Variants in PRH1 observed in about 807,000 individuals in gnomAD.
PRH1 encodes the protein salivary acidic proline-rich phosphoprotein 1/2.
PRH1 carries 7 observed loss-of-function variants against 7.9 expected under a neutral mutation model. The observed-to-expected ratio is 0.89, with a 90% confidence interval of 0.50 to 1.67. The LOEUF is 1.67. Among genes scored for constraint, PRH1 ranks in the 40% most tolerant of loss-of-function variants. The pLI is 0.00. For missense variants in PRH1, 109 were observed against 223.6 expected, an observed-to-expected ratio of 0.49 and a Z score of 3.27; for synonymous variants, 45 against 80.8, an observed-to-expected ratio of 0.56 and a Z score of 2.38.
chr12:11,154,307 G>A (rs759499742), intron 1 of PRH1, among the ~76,000 whole-genome samples: 2 of 152,144 alleles, frequency 1.3e-5, no homozygotes, highest in African/African-American at 2.4e-5. Flanking sequence ...TCTGCTCTGA[G>A]GGTTCATTGA....
intron 1 of PRH1, among the ~76,000 whole-genome samples, chr12:10,999,848 C>T (rs1940498411): frequency 6.6e-6 from 1 of 152,034 alleles, no homozygotes; most frequent in South Asian, 2.1e-4. Context: ...TGGCTTCTTG[C>T]ACTAGATATC....
At chr12:10,973,506 C>T in intron 2 of PRH1, 1 of 528,066 alleles carries the variant, frequency 1.9e-6, no homozygotes, top group Non-Finnish European at 3.4e-6. Context: ...AAAACGCACA[C>T]AATAACAATA....
At chr12:11,097,768 A>T (rs1945105929) in intron 1 of PRH1, among the ~76,000 whole-genome samples, 1 of 113,802 alleles carries the variant, frequency 8.8e-6, no homozygotes, top group African/African-American at 2.9e-5. Context: ...TGGCAGGTGA[A>T]AGGGAGAATG....
intron 1 of PRH1, among the ~76,000 whole-genome samples, chr12:11,075,196 T>TACAC (rs1944242909): frequency 9.0e-6 from 1 of 111,288 alleles, no homozygotes. Context: ...GAAAGGATAC[T>TACAC]AAAATATATA....
Position 11,149,729 on chromosome 12 carries a change from T to C in PRH1, n.39+21693A>G, listed in dbSNP as rs1431725238. On this transcript the variant is annotated intron_variant and non_coding_transcript_variant, in intron 1 of 1. Coordinates refer to the PRH1 transcript ENST00000541175. The stretch of plus-strand genomic sequence containing the variant: ...ACCATAAAAACCCTAGAAGAAAACC[T>C]AGGCATTACCATTCAGGACATAGGC... Among the ~76,000 whole-genome samples, 581 of 139,234 alleles carry C rather than the reference T, an allele frequency of 4.2e-3. 5 individuals carry two copies. Among genetic ancestry groups the C allele is most frequent in the African/African-American group, 0.015 (563 of 38,404 alleles). The allele number at this position is 139,234 out of a possible 152,430, so 91.3% of individuals were successfully genotyped here. A position where few individuals can be genotyped will look rare whatever the true frequency, so the allele number is the denominator to read the frequency against.
chr12:11,063,670 A>G (rs1262330682), intron 1 of PRH1, among the ~76,000 whole-genome samples: 1 of 152,144 alleles, frequency 6.6e-6, no homozygotes, highest in South Asian at 2.1e-4. Flanking sequence ...TGTGGGAAAT[A>G]TGTACAACCT....
intron 2 of PRH1, among the ~76,000 whole-genome samples, chr12:10,914,690 T>G (rs894894440): frequency 6.6e-6 from 1 of 152,190 alleles, no homozygotes; most frequent in Non-Finnish European, 1.5e-5. Context: ...AGTGACTTCA[T>G]TTTGATTCTG....
At chr12:10,886,757 G>A (rs1240413958), upstream of PRH1, among the ~76,000 whole-genome samples, 1 of 152,196 alleles carries the variant, frequency 6.6e-6, no homozygotes, top group East Asian at 1.9e-4. Context: ...GTCACTGACA[G>A]GTGTTTACCT....
chr12:10,965,569 A>T (rs1233543596), intron 2 of PRH1, among the ~76,000 whole-genome samples: 1 of 152,242 alleles, frequency 6.6e-6, no homozygotes, highest in African/African-American at 2.4e-5. Context: ...TCTAATTTTC[A>T]AACAGCTCAA....
intron 1 of PRH1, among the ~76,000 whole-genome samples, chr12:11,091,115 C>CACACACACATATATATATATAT (rs751016037): frequency 6.8e-4 from 17 of 25,124 alleles, no homozygotes; most frequent in Non-Finnish European, 1.0e-3. Flanking sequence ...CACACACACA[C>CACACACACATATATATATATAT]ATATATATAT....
chr12:11,050,587 T>C (rs751739512), upstream of PRH1, among the ~76,000 whole-genome samples: 1 of 152,238 alleles, frequency 6.6e-6, no homozygotes. Context: ...GTGCCCAACA[T>C]AGGCCTTTGG....
chr12:10,904,308 T>C (rs1319180059), intron 2 of PRH1, among the ~76,000 whole-genome samples: 2 of 151,952 alleles, frequency 1.3e-5, no homozygotes, highest in African/African-American at 4.8e-5. Context: ...CAAAACAGCA[T>C]GGTAATATTA....
chr12:11,039,384 T>C (rs1942602503), intron 1 of PRH1, among the ~76,000 whole-genome samples: 1 of 152,248 alleles, frequency 6.6e-6, no homozygotes, highest in Non-Finnish European at 1.5e-5. Flanking sequence ...AATATGATAA[T>C]TTCCAAAACA....
At chr12:10,986,943 GT>G in intron 1 of PRH1, 1 of 981,234 alleles carries the variant, frequency 1.0e-6, no homozygotes, top group Non-Finnish European at 1.4e-6. Flanking sequence ...TAAATTTTAT[GT>G]GCATCTGATT....
intron 1 of PRH1, among the ~76,000 whole-genome samples, chr12:11,114,429 C>T (rs1390406130): frequency 6.6e-6 from 1 of 152,192 alleles, no homozygotes; most frequent in Non-Finnish European, 1.5e-5. Context: ...ACCACATTAT[C>T]ACTCATAATT....
rs1445577533 is a variant in PRH1, at chr12:11,082,102, G to C, written n.124-34914C>G. Among the ~76,000 whole-genome samples, 10 of 114,792 alleles carry C rather than the reference G, an allele frequency of 8.7e-5. 1 individual carries two copies. Among genetic ancestry groups the C allele is most frequent in the Admixed American group, 1.8e-4 (2 of 11,408 alleles). The allele number at this position is 114,792 out of a possible 152,430, so 75.3% of individuals were successfully genotyped here. On this transcript the variant is annotated intron_variant and non_coding_transcript_variant, in intron 1 of 4. Transcript: ENST00000541977. ...AACTTTCCTACAATGATATCTCTTA[G>C]AAATTATGCAGACATTAACCAAATT...
intron 1 of PRH1, among the ~76,000 whole-genome samples, chr12:11,007,614 A>C: frequency 6.6e-6 from 1 of 152,072 alleles, no homozygotes; most frequent in East Asian, 1.9e-4. Context: ...CAGGGTGACT[A>C]CCTTGACCTT....
intron 1 of PRH1, among the ~76,000 whole-genome samples, chr12:11,169,570 A>C (rs150748475): frequency 2.6e-5 from 4 of 152,218 alleles, no homozygotes; most frequent in African/African-American, 9.6e-5. Flanking sequence ...GTGGCACAAA[A>C]GAGGAATAGA....
chr12:11,022,180 A>G lies in PRH1; in HGVS notation c.-126+24840T>C, dbSNP rs766986683. ...AAATACCAAGGGCCCCAACAGTATC[A>G]CCAGAACAACACTCTTAATTCTCTT... On this transcript the variant is annotated intron_variant, in intron 1 of 3. Coordinates refer to the PRH1 transcript ENST00000539853. 5.0e-6 allele frequency: 8 copies of G among 1,613,950 alleles called. No homozygotes were observed. The East Asian group carries it at 1.6e-4, about 31-fold the overall frequency.
Sources: allele counts gnomAD v4.1 joint callset (sites outside exome capture counted in the v4.1 genomes callset), GRCh38; gene constraint gnomAD v4.1.1; transcripts MANE v1.5; gene names NCBI Gene and HGNC (gene_info 2026-07-23, HGNC 2026-07-21).